Variants in SORBS2 observed in about 807,000 individuals in gnomAD.
SORBS2 encodes the protein sorbin and SH3 domain-containing protein 2.
A neutral mutation model predicts 97.7 loss-of-function variants in SORBS2; 46 were observed. The ratio of observed to expected loss-of-function variants is 0.47; its 90% CI spans 0.37 to 0.60. The LOEUF is 0.60. Among genes scored for constraint, SORBS2 ranks in the 20% least tolerant of loss-of-function variants. The pLI, the probability that SORBS2 is intolerant of heterozygous loss-of-function variation, is 0.00. For missense variants in SORBS2, 1,316 were observed against 1,282.3 expected (o/e 1.03, Z -0.40); for synonymous variants, 476 against 473.4 (o/e 1.01, Z -0.07).
intron 3 of SORBS2, among the ~76,000 whole-genome samples, chr4:185,647,061 T>C (rs767681415): frequency 6.6e-5 from 10 of 152,330 alleles, no homozygotes; most frequent in Non-Finnish European, 1.5e-4. Flanking sequence ...TGCTGAACTA[T>C]GAGCATTTAA....
chr4:185,832,466 GA>G (rs2099205683), intron 1 of SORBS2, among the ~76,000 whole-genome samples: 1 of 152,124 alleles, frequency 6.6e-6, no homozygotes. Flanking sequence ...TTTTGACTTA[GA>G]AGTCAATGAT....
At chr4:185,809,455 C>CAAAAAAAAAAAAAAAAAAAA (rs55713465) in intron 1 of SORBS2, among the ~76,000 whole-genome samples, 3 of 47,288 alleles carry the variant, frequency 6.3e-5, no homozygotes, top group Non-Finnish European at 1.1e-4. Context: ...ACTGCATTTG[C>CAAAAAAAAAAAAAAAAAAAA]AAAAAAAAAA....
chr4:185,800,880 C>G (rs965364473), intron 1 of SORBS2, among the ~76,000 whole-genome samples: 2 of 152,162 alleles, frequency 1.3e-5, no homozygotes, highest in African/African-American at 2.4e-5. Flanking sequence ...AGTTAGTGAT[C>G]ACTTCTTATC....
chr4:185,710,979 T>TG (rs2098415083), intron 2 of SORBS2, among the ~76,000 whole-genome samples: 1 of 144,230 alleles, frequency 6.9e-6, no homozygotes, highest in African/African-American at 2.4e-5. Context: ...TTATTTTTTA[T>TG]TTTTTTTAGA....
intron 4 of SORBS2, among the ~76,000 whole-genome samples, chr4:185,666,694 A>C (rs1367958205): frequency 6.6e-6 from 1 of 152,244 alleles, no homozygotes; most frequent in Non-Finnish European, 1.5e-5. Context: ...CTAAGCAGAA[A>C]AGATAAATGG....
chr4:185,916,462 G>A (rs550391352), intron 1 of SORBS2, among the ~76,000 whole-genome samples: 1 of 152,312 alleles, frequency 6.6e-6, no homozygotes, highest in South Asian at 2.1e-4. Flanking sequence ...GTGAAGCATA[G>A]TGAGCCAATT....
intron 2 of SORBS2, among the ~76,000 whole-genome samples, chr4:185,683,396 A>G (rs66688377): frequency 0.1 from 15,307 of 152,188 alleles, 847 homozygotes; most frequent in African/African-American, 0.14. Flanking sequence ...AGTAGGTTGG[A>G]CTGAGATCCT....
chr4:185,614,650 G>A (rs902194175), intron 11 of SORBS2, 181 bp downstream of exon 23: 5 of 673,292 alleles, frequency 7.4e-6, no homozygotes, highest in Non-Finnish European at 1.2e-5. Context: ...AAAGGACACA[G>A]GGACCAGCAG....
chr4:185,709,361 G>C (rs368565355), intron 2 of SORBS2, among the ~76,000 whole-genome samples: 1 of 120,240 alleles, frequency 8.3e-6, no homozygotes, highest in Non-Finnish European at 1.7e-5. Context: ...AAGAAATAAA[G>C]AAACTTACAT....
At chr4:185,797,964 G>T (rs186949740) in intron 1 of SORBS2, among the ~76,000 whole-genome samples, 1 of 152,108 alleles carries the variant, frequency 6.6e-6, no homozygotes, top group East Asian at 1.9e-4. Context: ...CTTCTGCCTC[G>T]GCACTTGTGA....
chr4:185,901,873 C>T (rs2099247958), intron 1 of SORBS2, among the ~76,000 whole-genome samples: 1 of 152,156 alleles, frequency 6.6e-6, no homozygotes, highest in South Asian at 2.1e-4. Flanking sequence ...ATTCATGTAA[C>T]CAAATCATTT....
At chr4:185,618,269 C>T (rs1355451564) in intron 9 of SORBS2, among the ~76,000 whole-genome samples, 1 of 152,244 alleles carries the variant, frequency 6.6e-6, no homozygotes, top group African/African-American at 2.4e-5. Flanking sequence ...GCCACTGTGC[C>T]TGGCCCCCAA....
chr4:185,748,663 G>A (rs111630494), intron 2 of SORBS2, among the ~76,000 whole-genome samples: 531 of 152,258 alleles, frequency 3.5e-3, no homozygotes, highest in Middle Eastern at 0.027. Context: ...GAATAAATAA[G>A]GTTGATATGT....
intron 1 of SORBS2, among the ~76,000 whole-genome samples, chr4:185,925,391 C>T (rs1487364263): frequency 6.7e-6 from 1 of 150,302 alleles, no homozygotes; most frequent in Non-Finnish European, 1.5e-5. Flanking sequence ...GAAAGGGACA[C>T]ATTTTACAAA....
intron 2 of SORBS2, among the ~76,000 whole-genome samples, chr4:185,736,601 G>A (rs866217137): frequency 1.2e-4 from 18 of 152,182 alleles, no homozygotes; most frequent in African/African-American, 4.1e-4. Flanking sequence ...TGCCTGCTTC[G>A]TTACAGGCAC....
intron 1 of SORBS2, among the ~76,000 whole-genome samples, chr4:185,871,547 G>C (rs371145579): frequency 6.6e-6 from 1 of 152,198 alleles, no homozygotes; most frequent in East Asian, 1.9e-4. Flanking sequence ...TACAAGAGCG[G>C]AAATGCTAAA....
intron 1 of SORBS2, among the ~76,000 whole-genome samples, chr4:185,944,982 C>A (rs1431357885): frequency 6.6e-6 from 1 of 152,162 alleles, no homozygotes; most frequent in Non-Finnish European, 1.5e-5. Context: ...AATATCAAGC[C>A]TTTAAAGGGT....
chr4:185,781,637 CCTCCGGCCTCTCCAGCGTCCCTTCCA>C (rs1560992200), intron 1 of SORBS2, among the ~76,000 whole-genome samples: 9 of 139,760 alleles, frequency 6.4e-5, no homozygotes, highest in Non-Finnish European at 6.6e-5. Flanking sequence ...CCTTCCATTG[CCTCCGGCCTCTCCAGCGTCCCTTCCA>C]TTGCCTCCGG....
In SORBS2 at chr4:185,879,130, C is replaced by T. The variant is rs1039135442; in HGVS notation, c.-338+77066G>A. On this transcript the variant is annotated intron_variant, in intron 1 of 20. Transcript: ENST00000284776. ...TTGGTGTGCTGCACCCATTAACTCGCCATTTACATTAGGTATATCTCCTAA... is the reference window on the plus strand; with the variant it reads ...TTGGTGTGCTGCACCCATTAACTCGTCATTTACATTAGGTATATCTCCTAA... Among the ~76,000 whole-genome samples the T allele has an allele frequency of 1.4e-3, 200 of 140,554 alleles. 3 individuals are homozygous for T. The highest frequency in any genetic ancestry group is 4.0e-3 in the African/African-American group (147 of 36,494). 92.2% of individuals were successfully genotyped at this position (140,554 alleles called of 152,430 possible).
Sources: gnomAD v4.1 joint callset for allele counts (sites outside exome capture counted in the v4.1 genomes callset) on GRCh38, gnomAD v4.1.1 for gene constraint, MANE v1.5 for transcripts, NCBI Gene and HGNC (gene_info 2026-07-23, HGNC 2026-07-21) for gene names.